The following CENPC variants were observed in gnomAD, a reference collection of about 807,000 sequenced individuals.
CENPC encodes CENP-C 1.
Under a neutral mutation model 112.1 loss-of-function variants are expected in CENPC, and 63 were observed. The observed-to-expected ratio is 0.56, with a 90% CI of 0.46 to 0.69. The LOEUF (loss-of-function observed/expected upper bound fraction) is 0.69. CENPC is among the 30% of genes least tolerant of loss of function. CENPC has a pLI of 0.00. For missense variants in CENPC, 1,000 were observed against 1,103.8 expected (o/e 0.91, Z 1.33); for synonymous variants, 333 against 367.6 (o/e 0.91, Z 1.08).
chr4:67,481,293 T>C (rs763257841), intron 17 of CENPC, among the ~76,000 whole-genome samples: 102 of 152,320 alleles, frequency 6.7e-4, no homozygotes, highest in East Asian at 9.6e-4. Flanking sequence ...TGCTCATGGA[T>C]GGGTAGAACC....
At chr4:67,508,730 G>A (rs1329827023) in intron 10 of CENPC, 84 bp downstream of exon 10, 1 of 1,255,524 alleles carries the variant, frequency 8.0e-7, no homozygotes, top group Admixed American at 2.5e-5. Flanking sequence ...GCTAATTACT[G>A]CCTGTCCATA....
intron 17 of CENPC, among the ~76,000 whole-genome samples, chr4:67,485,328 C>T (rs552408493): frequency 1.3e-5 from 2 of 152,310 alleles, no homozygotes; most frequent in South Asian, 4.1e-4. Context: ...AAATTTCATA[C>T]TTTATACATA....
In CENPC at chr4:67,545,429, C is replaced by G; in HGVS notation, c.-74G>C. 7.1e-7 allele frequency: 1 copy of G among 1,414,468 alleles called. No individual in the cohort carries two copies. The highest frequency in any genetic ancestry group is 9.3e-7 in the Non-Finnish European group (1 of 1,071,562). 87.6% of individuals were successfully genotyped at this position (1,414,468 alleles called of 1,614,324 possible). A position where few individuals can be genotyped will look rare whatever the true frequency, so the allele number is the denominator to read the frequency against. ...CGGACCACAGCTCCAGGAAGCCGAG[C>G]AAGAAACGAATCGCCGGAATACCAG... On this transcript the variant is annotated 5_prime_UTR_variant, in exon 1 of 19. Transcript: ENST00000273853.
chr4:67,520,053 T>C (rs1726177043), intron 5 of CENPC, among the ~76,000 whole-genome samples: 1 of 152,170 alleles, frequency 6.6e-6, no homozygotes, highest in South Asian at 2.1e-4. Flanking sequence ...GTCTCCCATA[T>C]ACCCCTGGAC....
intron 12 of CENPC, among the ~76,000 whole-genome samples, chr4:67,501,517 G>A (rs1725589677): frequency 6.6e-6 from 1 of 152,126 alleles, no homozygotes; most frequent in African/African-American, 2.4e-5. Context: ...GAAACTAAGG[G>A]ACATGGCAGC....
chr4:67,474,817 T>C (rs1307798695), intron 18 of CENPC, 71 bp downstream of exon 18: 3 of 836,994 alleles, frequency 3.6e-6, no homozygotes, highest in Non-Finnish European at 3.9e-6. Context: ...TTTTGACCAC[T>C]GTGGCTTCCA....
chr4:67,498,055 A>G (rs1577982404), intron 12 of CENPC, among the ~76,000 whole-genome samples: 1 of 151,078 alleles, frequency 6.6e-6, no homozygotes, highest in South Asian at 2.1e-4. Context: ...ACATGGCGAA[A>G]CCCCATCTCT....
chr4:67,536,973 A>G (rs1435135173), intron 4 of CENPC, among the ~76,000 whole-genome samples: 1 of 151,070 alleles, frequency 6.6e-6, no homozygotes, highest in Non-Finnish European at 1.5e-5. Context: ...GGATCACTTA[A>G]GCCCAGGAGT....
intron 12 of CENPC, among the ~76,000 whole-genome samples, chr4:67,497,860 A>G (rs1725484472): frequency 6.6e-6 from 1 of 150,610 alleles, no homozygotes; most frequent in Non-Finnish European, 1.5e-5. Flanking sequence ...ACTATAGTCT[A>G]TTAAATGTGC....
intron 8 of CENPC, among the ~76,000 whole-genome samples, chr4:67,513,249 G>A (rs1050144568): frequency 7.5e-6 from 1 of 132,758 alleles, no homozygotes; most frequent in African/African-American, 2.8e-5. Context: ...ATCCCAGTGA[G>A]ACATCTGACC....
chr4:67,519,338 T>C lies in CENPC; in HGVS notation c.496A>G (p.Lys166Glu), dbSNP rs1420897169. The C allele has an allele frequency of 6.2e-6, 10 of 1,612,902 alleles. No homozygotes were observed. The highest frequency in any genetic ancestry group is 2.2e-5 in the East Asian group (1 of 44,782). The part of the protein sequence containing the change: ...VGSPSVLLDA[K>E]TSVSQNVIPS... The stretch of plus-strand genomic sequence containing the variant: ...ATAACATTTTGTGATACAGATGTTT[T>C]TGCATCCAAAAGAACAGAAGGTGAG... The change falls in exon 6 of 19, where the codon AAA (lysine) becomes GAA (glutamate). Residue 166 changes from lysine (K) to glutamate (E), a missense_variant. Transcript: ENST00000273853.
chr4:67,492,086 G>A, intron 16 of CENPC, 94 bp downstream of exon 16: 1 of 805,118 alleles, frequency 1.2e-6, no homozygotes, highest in Non-Finnish European at 2.0e-6. Context: ...GAATTGGGGA[G>A]AGAAAGGGAA....
At chr4:67,495,236 C>A in intron 12 of CENPC, 24 bp from the exon 13 acceptor site, 1 of 1,505,728 alleles carries the variant, frequency 6.6e-7, no homozygotes. Context: ...AAGATAATAT[C>A]ATAAGAAATG....
chr4:67,481,640 C>T (rs1724960397), intron 17 of CENPC, among the ~76,000 whole-genome samples: 1 of 152,134 alleles, frequency 6.6e-6, no homozygotes, highest in South Asian at 2.1e-4. Flanking sequence ...CAAACAAAAA[C>T]ACTAAGTAGG....
intron 9 of CENPC, 87 bp from the exon 10 acceptor site, chr4:67,509,192 A>G (rs1214402722): frequency 2.7e-6 from 2 of 732,730 alleles, no homozygotes; most frequent in African/African-American, 3.9e-5. Flanking sequence ...ATATTTGCAT[A>G]TAAACATATA....
intron 12 of CENPC, among the ~76,000 whole-genome samples, chr4:67,497,373 G>A (rs369346796): frequency 1.0e-3 from 152 of 151,750 alleles, no homozygotes; most frequent in Non-Finnish European, 1.8e-3. Context: ...GGGACACTCC[G>A]TCTTAAAAAA....
chr4:67,484,203 C>G (rs977066893), intron 17 of CENPC, among the ~76,000 whole-genome samples: 6 of 152,170 alleles, frequency 3.9e-5, no homozygotes, highest in Admixed American at 3.9e-4. Context: ...CTACAGTATT[C>G]AGCACAGAAA....
chr4:67,520,658 G>A (rs1394596401), intron 5 of CENPC, among the ~76,000 whole-genome samples: 2 of 152,040 alleles, frequency 1.3e-5, no homozygotes, highest in Non-Finnish European at 2.9e-5. Flanking sequence ...AAATGAAGTA[G>A]AACAAAATAC....
At chr4:67,497,803 TCCCAAA>T (rs1725479759) in intron 12 of CENPC, among the ~76,000 whole-genome samples, 7 of 21,336 alleles carry the variant, frequency 3.3e-4, no homozygotes, top group Non-Finnish European at 6.4e-4. Flanking sequence ...GTTGGGTGGC[TCCCAAA>T]GTGAGCCACC....
Sources: allele counts gnomAD v4.1 joint callset (sites outside exome capture counted in the v4.1 genomes callset), GRCh38; gene constraint gnomAD v4.1.1; transcripts MANE v1.5; gene names NCBI Gene and HGNC (gene_info 2026-07-23, HGNC 2026-07-21).